The following UHMK1 variants were observed in gnomAD, a reference collection of about 807,000 sequenced individuals.
The protein encoded by UHMK1 is U2AF homology motif kinase 1, also known as serine/threonine-protein kinase Kist.
A neutral mutation model predicts 44.0 loss-of-function variants in UHMK1; 18 were observed. The observed-to-expected ratio is 0.41, with a 90% CI of 0.28 to 0.61. UHMK1 has a LOEUF of 0.61. UHMK1 is among the 20% of genes least tolerant of loss of function. The pLI, the probability that UHMK1 is intolerant of heterozygous loss-of-function variation, is 0.31. For missense variants in UHMK1, 463 were observed against 522.5 expected (o/e 0.89, Z 1.11); for synonymous variants, 231 against 198.5 (o/e 1.16, Z -1.38).
chr1:162,511,189 C>CTTTTTTTTTTTTTTTTTTTT (rs142796500), intron 4 of UHMK1, among the ~76,000 whole-genome samples: 7 of 100,990 alleles, frequency 6.9e-5, no homozygotes, highest in Admixed American at 1.1e-4. Flanking sequence ...TTTTCTTTTT[C>CTTTTTTTTTTTTTTTTTTTT]TTTTTTTTTT....
rs925822463 is a variant in UHMK1, at chr1:162,527,266, A to G, written c.*4716A>G. ...AGATGTTTTTCACTATTTTTAAATT[A>G]TATAATGACCAGTAGATTCACAGTA... On this transcript the variant is annotated 3_prime_UTR_variant, in exon 8 of 8. Transcript: ENST00000489294. 1 of 152,144 alleles carries G rather than the reference A, an allele frequency of 6.6e-6. No homozygotes were observed. The highest frequency in any genetic ancestry group is 1.5e-5 in the Non-Finnish European group (1 of 67,944). 9.4% of individuals were successfully genotyped at this position (152,144 alleles called of 1,614,324 possible). A position where few individuals can be genotyped will look rare whatever the true frequency, so the allele number is the denominator to read the frequency against.
chr1:162,513,295 C>A (rs1409325717), intron 6 of UHMK1, among the ~76,000 whole-genome samples: 2 of 152,138 alleles, frequency 1.3e-5, no homozygotes, highest in African/African-American at 4.8e-5. Context: ...CATCTTTACC[C>A]AGTTAATGAA....
chr1:162,528,856 A>G lies in UHMK1; in HGVS notation c.*6306A>G, dbSNP rs1471386352. 1 of 152,122 alleles carries G rather than the reference A, an allele frequency of 6.6e-6. No individual in the cohort carries two copies. The highest frequency in any genetic ancestry group is 2.4e-5 in the African/African-American group (1 of 41,448). 9.4% of individuals were successfully genotyped at this position (152,122 alleles called of 1,614,324 possible). On this transcript the variant is annotated 3_prime_UTR_variant, in exon 8 of 8. Coordinates refer to ENST00000489294, the MANE Select transcript of UHMK1 (RefSeq NM_175866.5). ...GGTAGAAGGGATTTTATTTTTTCCC[A>G]AAAGGGTTCCATCTTTGCTATCTGT...
chr1:162,509,109 C>G (rs1339507805), intron 4 of UHMK1, among the ~76,000 whole-genome samples: 1 of 152,144 alleles, frequency 6.6e-6, no homozygotes, highest in Non-Finnish European at 1.5e-5. Context: ...TTATGTTGCC[C>G]ATTTTTATGT....
intron 1 of UHMK1, among the ~76,000 whole-genome samples, chr1:162,499,456 C>T (rs918772359): frequency 7.9e-5 from 12 of 152,136 alleles, no homozygotes; most frequent in African/African-American, 1.2e-4. Flanking sequence ...CATGAGCCAC[C>T]GTGGCAGACC....
chr1:162,500,122 C>T lies in UHMK1; in HGVS notation c.436C>T (p.Leu146Phe). ...QHCARDVLEA[L>F]AFLHHEGYVH... ...TTGTGCCCGAGATGTTTTGGAGGCC[C>T]TTGCTTTTCTTCATCATGAGGGCTA... Residue 146 changes from leucine to phenylalanine, a missense_variant, in exon 2 of 8, where the codon CTT becomes TTT. Transcript: ENST00000489294. 1.9e-6 allele frequency: 3 copies of T among 1,614,174 alleles called. No homozygotes were observed. Among genetic ancestry groups the T allele is most frequent in the Non-Finnish European group, 2.5e-6 (3 of 1,180,036 alleles).
intron 3 of UHMK1, among the ~76,000 whole-genome samples, chr1:162,502,623 A>C (rs184948059): frequency 2.3e-3 from 347 of 152,294 alleles, no homozygotes; most frequent in African/African-American, 7.8e-3. Flanking sequence ...TGTGAAATTT[A>C]GAGGGGTGAT....
At chr1:162,503,916 C>T (rs969304873) in intron 4 of UHMK1, 68 bp downstream of exon 4, 2 of 1,147,688 alleles carry the variant, frequency 1.7e-6, no homozygotes, top group Non-Finnish European at 2.5e-6. Context: ...TCTTTTTTTT[C>T]TCTGAACAGA....
chr1:162,520,098 G>A (rs541466862), intron 7 of UHMK1, among the ~76,000 whole-genome samples: 2 of 152,222 alleles, frequency 1.3e-5, no homozygotes, highest in African/African-American at 4.8e-5. Context: ...TTGCTATGTT[G>A]TCCAGGGCGG....
chr1:162,498,037 C>T lies in UHMK1; in HGVS notation c.37C>T (p.Pro13Ser), dbSNP rs753352043. Reference sequence around the variant, plus strand: ...CGGCTGCGCCTGGGGCGCGGAGCCGCCGCGTTTTCTGGAGGCCTTCGGGCG... The same window carrying T: ...CGGCTGCGCCTGGGGCGCGGAGCCGTCGCGTTTTCTGGAGGCCTTCGGGCG... Reference protein sequence around the residue: ...GSGCAWGAEPPRFLEAFGRLW... With the variant: ...GSGCAWGAEPSRFLEAFGRLW... Residue 13 changes from proline to serine, a missense_variant, in exon 1 of 8, where the codon CCG (proline) becomes TCG (serine). Pro to Ser is a moderately conservative substitution (Grantham distance 74, BLOSUM62 -1). Around this residue, in one of 3 missense-constraint regions of UHMK1, gnomAD observed 191 missense variants for 176.0 expected, o/e 1.09. Coordinates refer to ENST00000489294, the MANE Select transcript of UHMK1 (RefSeq NM_175866.5). The T allele has an allele frequency of 3.1e-6, 5 of 1,599,656 alleles. No individual in the cohort carries two copies. The highest frequency in any genetic ancestry group is 1.7e-5 in the Admixed American group (1 of 59,264).
At chr1:162,499,720 A>G (rs1025817773) in intron 1 of UHMK1, among the ~76,000 whole-genome samples, 4 of 152,218 alleles carry the variant, frequency 2.6e-5, no homozygotes, top group Non-Finnish European at 4.4e-5. Context: ...GAATAATTGT[A>G]CCATATTTAG....
At position 162,522,597 on chromosome 1, in the gene UHMK1, G is replaced by A. The variant is rs1487588429; in HGVS notation, c.*47G>A. The A allele has an allele frequency of 6.3e-7, 1 of 1,588,918 alleles. No individual in the cohort carries two copies. Among genetic ancestry groups the A allele is most frequent in the Non-Finnish European group, 8.6e-7 (1 of 1,166,264 alleles). ...CCTTTTTCTCCTCTTCCATTTCTTG[G>A]GTTATTCCACATATGAATGCAGGAC... On this transcript the variant is annotated 3_prime_UTR_variant, in exon 8 of 8. Coordinates refer to ENST00000489294, the MANE Select transcript of UHMK1 (RefSeq NM_175866.5).
chr1:162,511,866 T>C (rs777228067), intron 4 of UHMK1, among the ~76,000 whole-genome samples: 1 of 152,164 alleles, frequency 6.6e-6, no homozygotes, highest in Non-Finnish European at 1.5e-5. Flanking sequence ...CATTGTGTTT[T>C]CTTGGCACCT....
upstream of UHMK1, chr1:162,497,390 C>A (rs1651085444): frequency 1.5e-6 from 1 of 654,900 alleles, no homozygotes; most frequent in Non-Finnish European, 2.8e-6. Flanking sequence ...CGATGGTTGG[C>A]GACACGGGGG....
chr1:162,506,283 A>G lies in UHMK1; in HGVS notation c.848+2435A>G, dbSNP rs967152503. Among the ~76,000 whole-genome samples, 84 of 141,388 alleles carry G rather than the reference A, an allele frequency of 5.9e-4. 1 individual carries two copies. Among genetic ancestry groups the G allele is most frequent in the African/African-American group, 2.1e-3 (82 of 39,174 alleles). The allele number at this position is 141,388 out of a possible 152,430, so 92.8% of individuals were successfully genotyped here. A position where few individuals can be genotyped will look rare whatever the true frequency, so the allele number is the denominator to read the frequency against. The stretch of plus-strand genomic sequence containing the variant: ...AATTTGGAAACTATAGAAAGTCATC[A>G]TGAGGAAAATAAAAATTATAAACCC... On this transcript the variant is annotated intron_variant, in intron 4 of 7. Coordinates refer to ENST00000489294, the MANE Select transcript of UHMK1 (RefSeq NM_175866.5).
chr1:162,498,375 G>T, intron 1 of UHMK1, 107 bp downstream of exon 1: 1 of 1,371,594 alleles, frequency 7.3e-7, no homozygotes, highest in Non-Finnish European at 9.7e-7. Context: ...GGGAGAAGCG[G>T]GTTTAGCCCT....
rs1344681899 is a variant in UHMK1 at position 162,498,286 on chromosome 1, CT to C, written c.268+21del. The stretch of plus-strand genomic sequence containing the variant: ...AAACATCGGTAATTGCCGCTGTCTC[CT>C]TTCTCTTCTTGCCCAGGTCACAGTC... On this transcript the variant is annotated intron_variant, in intron 1 of 7. Coordinates refer to ENST00000489294, the MANE Select transcript of UHMK1 (RefSeq NM_175866.5). The C allele has an allele frequency of 1.3e-6, 2 of 1,566,640 alleles. No homozygotes were observed. The highest frequency in any genetic ancestry group is 4.6e-5 in the East Asian group (2 of 43,722).
chr1:162,513,278 T>C (rs746748657), intron 6 of UHMK1, among the ~76,000 whole-genome samples: 1 of 152,200 alleles, frequency 6.6e-6, no homozygotes, highest in Non-Finnish European at 1.5e-5. Context: ...TTGACTCTTT[T>C]ACGTTTCATC....
rs758126432 is a variant in UHMK1, at chr1:162,500,961, T to C, written c.610T>C (p.Leu204=). The change falls in exon 3 of 8, where the codon TTG becomes CTG. Residue 204 remains leucine, a synonymous_variant. Transcript: ENST00000489294. The stretch of plus-strand genomic sequence containing the variant: ...CGGGTATCGGGCTCCAGAAGCAGAA[T>C]TGCAAAATTGCTTGGCCCAGGCTGG... ...TDGYRAPEAE[L]QNCLAQAGLQ... is the part of the protein sequence containing the mutation. 4 of 1,614,110 alleles carry C rather than the reference T, an allele frequency of 2.5e-6. No individual in the cohort carries two copies. Among genetic ancestry groups the C allele is most frequent in the Middle Eastern group, 1.6e-4 (1 of 6,062 alleles).
Sources: allele counts gnomAD v4.1 joint callset (sites outside exome capture counted in the v4.1 genomes callset), GRCh38; gene constraint gnomAD v4.1.1; regional missense constraint gnomAD v4.1.1; transcripts MANE v1.5; gene names NCBI Gene and HGNC (gene_info 2026-07-23, HGNC 2026-07-21).